Variants in MMGT1 observed in about 807,000 individuals in gnomAD.
The protein encoded by MMGT1 is ER membrane protein complex subunit 5.
Under a neutral mutation model 11.7 loss-of-function variants are expected in MMGT1, and 2 were observed. The observed-to-expected ratio is 0.17, with a 90% CI of 0.07 to 0.54. The LOEUF (loss-of-function observed/expected upper bound fraction) is 0.54, where lower values mean the gene tolerates loss of function less well. MMGT1 is among the 20% of genes least tolerant of loss of function. The pLI is 0.94. For synonymous variants in MMGT1, 49 were observed against 44.4 expected, an observed-to-expected ratio of 1.10 and a Z score of -0.41; for missense variants, 74 against 109.0, an observed-to-expected ratio of 0.68 and a Z score of 1.43.
chrX:135,970,862 T>C lies in MMGT1; in HGVS notation c.132+196A>G, dbSNP rs782364232. On this transcript the variant is annotated intron_variant, in intron 2 of 3. Coordinates refer to ENST00000305963, the MANE Select transcript of MMGT1 (RefSeq NM_173470.3). Reference sequence around the variant, plus strand: ...AGGCGGAGCTTGCAGTGAGCTGAGATCAGGCCACTGCACTCCAGCCTGGGT... The same window carrying C: ...AGGCGGAGCTTGCAGTGAGCTGAGACCAGGCCACTGCACTCCAGCCTGGGT... Among the ~76,000 whole-genome samples the C allele has an allele frequency of 3.6e-5, 4 of 111,689 alleles. No individual in the cohort carries two copies. In the South Asian group the frequency reaches 1.5e-3, roughly 42 times the overall value.
Position 135,971,095 on chromosome X carries a change from C to T in MMGT1, c.95G>A (p.Arg32Gln). The change falls in exon 2 of 4, where the codon CGA (arginine) becomes CAA (glutamine). Residue 32 changes from arginine to glutamine, a missense_variant. Physicochemically the swap from Arg to Gln is conservative, Grantham distance 43. Around this residue, in one of 2 missense-constraint regions of MMGT1, gnomAD observed 40 missense variants for 79.6 expected, o/e 0.50. Coordinates refer to ENST00000305963, the MANE Select transcript of MMGT1 (RefSeq NM_173470.3). The part of the protein sequence containing the change: ...FSAAQHRSYM[R>Q]LTEKEDESLP... ...TGATTCATCTTCTTTTTCTGTTAAT[C>T]GCATATAAGAACGATCTATAAACCA... The T allele has an allele frequency of 8.5e-7, 1 of 1,178,947 alleles. No individual in the cohort carries two copies. Among genetic ancestry groups the T allele is most frequent in the Non-Finnish European group, 1.2e-6 (1 of 867,381 alleles).
intron 2 of MMGT1, among the ~76,000 whole-genome samples, chrX:135,969,391 TC>T (rs1373628975): frequency 2.7e-5 from 3 of 111,507 alleles, no homozygotes; most frequent in African/African-American, 9.8e-5. Context: ...GGAGTGCAGA[TC>T]TCGAGTGCAT....
In MMGT1 at chrX:135,961,205, C is replaced by T. The variant is rs987394846; in HGVS notation, c.*3819G>A. ...CCTAAAGAGCCTATCAGTGTTTGAA[C>T]ATTTGTAACACATTCAAACATTAGA... On this transcript the variant is annotated 3_prime_UTR_variant, in exon 4 of 4. Transcript: ENST00000305963. 4.5e-5 allele frequency among the ~76,000 whole-genome samples: 5 copies of T among 111,541 alleles called. No homozygotes were observed. Among genetic ancestry groups the T allele is most frequent in the African/African-American group, 1.6e-4 (5 of 30,721 alleles).
chrX:135,967,842 T>G (rs1277300667), intron 2 of MMGT1, among the ~76,000 whole-genome samples: 2 of 110,613 alleles, frequency 1.8e-5, no homozygotes, highest in Admixed American at 9.6e-5. Flanking sequence ...GTTTTTTTTT[T>G]GTTGTTGTTG....
chrX:135,963,268 C>T lies in MMGT1; in HGVS notation c.*1756G>A, dbSNP rs1430948334. ...TACACTAAAAACCACTAAATTGTAC[C>T]CTTAAAATAAGTGAATTGTAAGGTA... On this transcript the variant is annotated 3_prime_UTR_variant, in exon 4 of 4. Transcript: ENST00000305963. 9.0e-6 allele frequency: 1 copy of T among 110,664 alleles called. No homozygotes were observed. Among genetic ancestry groups the T allele is most frequent in the Non-Finnish European group, 1.9e-5 (1 of 52,913 alleles). The allele number at this position is 110,664 out of a possible 1,213,427, so 9.1% of individuals were successfully genotyped here.
At chrX:135,968,462 CTTTT>C (rs1336529645) in intron 2 of MMGT1, among the ~76,000 whole-genome samples, 3 of 102,181 alleles carry the variant, frequency 2.9e-5, no homozygotes, top group African/African-American at 1.1e-4. Flanking sequence ...CAAATGTATT[CTTTT>C]GTGTCTAGCT....
rs181416109 is a variant in MMGT1 at position 135,971,195 on chromosome X, G to T, written c.80-85C>A. On this transcript the variant is annotated intron_variant, in intron 1 of 3. Coordinates refer to ENST00000305963, the MANE Select transcript of MMGT1 (RefSeq NM_173470.3). ...AGCAAATCAATATACCAAAGAAGTGGCTGACTTATGTGCAGCACACCAGCA... is the reference window on the plus strand; with the variant it reads ...AGCAAATCAATATACCAAAGAAGTGTCTGACTTATGTGCAGCACACCAGCA... The T allele has an allele frequency of 1.7e-4, 109 of 644,311 alleles. No individual in the cohort carries two copies. In the East Asian group the frequency reaches 3.5e-3, roughly 20 times the overall value. The allele number at this position is 644,311 out of a possible 1,213,427, so 53.1% of individuals were successfully genotyped here.
rs951883991 is a variant in MMGT1 at position 135,962,255 on chromosome X, G to A, written c.*2769C>T. On this transcript the variant is annotated 3_prime_UTR_variant, in exon 4 of 4. Transcript: ENST00000305963. The stretch of plus-strand genomic sequence containing the variant: ...GAAGATGCTGTCAAGCCACTGAGAA[G>A]CCACAATGCTTAGAAAACAATCATT... 2.7e-5 allele frequency: 3 copies of A among 111,656 alleles called. No individual in the cohort carries two copies. The highest frequency in any genetic ancestry group is 9.8e-5 in the African/African-American group (3 of 30,698). 9.2% of individuals were successfully genotyped at this position (111,656 alleles called of 1,213,427 possible).
chrX:135,967,113 T>C (rs1458529482), intron 3 of MMGT1, among the ~76,000 whole-genome samples: 1 of 111,304 alleles, frequency 9.0e-6, no homozygotes, highest in Non-Finnish European at 1.9e-5. Context: ...TCTGAGGCAT[T>C]ATTTTTCTAT....
At chrX:135,968,072 G>T (rs933744310) in intron 2 of MMGT1, among the ~76,000 whole-genome samples, 1 of 111,598 alleles carries the variant, frequency 9.0e-6, no homozygotes, top group Non-Finnish European at 1.9e-5. Context: ...GGCTGGTCTC[G>T]AACTCCTGAC....
rs1556611829 is a variant in MMGT1, at chrX:135,965,146, C to T, written c.274G>A (p.Val92Ile). Residue 92 changes from valine (V) to isoleucine (I), a missense_variant, in exon 4 of 4, where the codon GTA becomes ATA. Physicochemically the swap from Val to Ile is conservative, Grantham distance 29. Around this residue, in one of 2 missense-constraint regions of MMGT1, gnomAD observed 40 missense variants for 79.6 expected, o/e 0.50. Transcript: ENST00000305963. ...AGTACTCGACCACGATGATTAAATA[C>T]ATAAAAGGATGGGTGATTCCTTAAC... ...DTLRNHPSFY[V>I]FNHRGRVLFR... 5 of 1,208,098 alleles carry T rather than the reference C, an allele frequency of 4.1e-6. No homozygotes were observed. In the East Asian group the frequency reaches 1.2e-4, roughly 29 times the overall value.
intron 3 of MMGT1, among the ~76,000 whole-genome samples, chrX:135,965,509 C>T (rs2089180316): frequency 9.0e-6 from 1 of 111,563 alleles, no homozygotes; most frequent in Admixed American, 9.5e-5. Context: ...TCAAGCGACC[C>T]TCTCATCTCA....
At chrX:135,967,362 C>T (rs1556612083) in intron 3 of MMGT1, 28 bp downstream of exon 3, 2 of 882,221 alleles carry the variant, frequency 2.3e-6, no homozygotes, top group Non-Finnish European at 3.3e-6. Flanking sequence ...CTATGAAATG[C>T]AATGCCTATG....
At chrX:135,973,513 C>G in intron 1 of MMGT1, 84 bp downstream of exon 1, 1 of 777,950 alleles carries the variant, frequency 1.3e-6, no homozygotes. Context: ...ATCTGACACT[C>G]GGTCCGATGG....
In MMGT1 at chrX:135,967,843, G is replaced by T. The variant is rs189976987; in HGVS notation, c.133-350C>A. 9.3e-3 allele frequency among the ~76,000 whole-genome samples: 1,003 copies of T among 107,991 alleles called. 6 individuals carry two copies. The highest frequency in any genetic ancestry group is 0.012 in the Non-Finnish European group (631 of 51,782). 93.8% of individuals were successfully genotyped at this position (107,991 alleles called of 115,157 possible). On this transcript the variant is annotated intron_variant, in intron 2 of 3. Coordinates refer to ENST00000305963, the MANE Select transcript of MMGT1 (RefSeq NM_173470.3). The stretch of plus-strand genomic sequence containing the variant: ...GTATTATTGTTTTTGTTTTTTTTTT[G>T]TTGTTGTTGTTGTTGTTTGCTTTTT...
At chrX:135,970,630 C>T (rs2089212711) in intron 2 of MMGT1, among the ~76,000 whole-genome samples, 1 of 111,348 alleles carries the variant, frequency 9.0e-6, no homozygotes, top group Non-Finnish European at 1.9e-5. Flanking sequence ...AGATCACAGG[C>T]CAGGCGCGGT....
intron 1 of MMGT1, among the ~76,000 whole-genome samples, chrX:135,972,931 T>C (rs1160807890): frequency 8.9e-6 from 1 of 111,986 alleles, no homozygotes; most frequent in African/African-American, 3.2e-5. Context: ...ATCACTTTAT[T>C]GTAACTACTT....
rs1490398317 is a variant in MMGT1, at chrX:135,963,154, G to A, written c.*1870C>T. Reference sequence around the variant, plus strand: ...TGGGGTGGGCACTGGGAGAAAATGAGAGGTGACTGCTCAAGGGTACAGGGT... The same window carrying A: ...TGGGGTGGGCACTGGGAGAAAATGAAAGGTGACTGCTCAAGGGTACAGGGT... On this transcript the variant is annotated 3_prime_UTR_variant, in exon 4 of 4. Transcript: ENST00000305963. 1 of 111,433 alleles carries A rather than the reference G, an allele frequency of 9.0e-6. No individual in the cohort carries two copies. The highest frequency in any genetic ancestry group is 3.3e-5 in the African/African-American group (1 of 30,631). 9.2% of individuals were successfully genotyped at this position (111,433 alleles called of 1,213,427 possible).
intron 2 of MMGT1, among the ~76,000 whole-genome samples, chrX:135,968,499 T>TTGTGTGTG (rs61012323): frequency 0.089 from 7,583 of 84,836 alleles, 330 homozygotes; most frequent in African/African-American, 0.11. Flanking sequence ...CATTATGTCA[T>TTGTGTGTG]TGTGTGTGTG....
Sources: gnomAD v4.1 joint callset for allele counts (sites outside exome capture counted in the v4.1 genomes callset) on GRCh38, gnomAD v4.1.1 for gene constraint, gnomAD v4.1.1 regional missense constraint, MANE v1.5 for transcripts, NCBI Gene and HGNC (gene_info 2026-07-23, HGNC 2026-07-21) for gene names.